Variants in CRYBG1 observed in about 807,000 individuals in gnomAD.
CRYBG1 encodes crystallin beta-gamma domain containing 1.
In CRYBG1, 139 loss-of-function variants were observed where a neutral mutation model predicts 189.2. The observed-to-expected ratio is 0.73, with a 90% CI of 0.64 to 0.85. The LOEUF is 0.85. CRYBG1 is among the 40% of genes least tolerant of loss of function. The pLI is 0.00. For synonymous variants in CRYBG1, 1,023 were observed against 1,017.1 expected, an observed-to-expected ratio of 1.01 and a Z score of -0.11; for missense variants, 2,611 against 2,675.8, an observed-to-expected ratio of 0.98 and a Z score of 0.53.
rs746739473 is a variant in CRYBG1 at position 106,431,640 on chromosome 6, G to A, written c.174-20054G>A. 3.3e-5 allele frequency among the ~76,000 whole-genome samples: 5 copies of A among 152,156 alleles called. No homozygotes were observed. In the South Asian group the frequency reaches 6.2e-4, roughly 19 times the overall value. On this transcript the variant is annotated intron_variant, in intron 1 of 21. Coordinates refer to ENST00000633556, the MANE Select transcript of CRYBG1 (RefSeq NM_001371242.2). ...TAATTATTCTACCCGTAGGTGGACA[G>A]ACTACACTATGAGGGGAGAAAAATA...
intron 2 of CRYBG1, among the ~76,000 whole-genome samples, chr6:106,478,862 T>C (rs955071555): frequency 6.6e-6 from 1 of 152,210 alleles, no homozygotes; most frequent in Non-Finnish European, 1.5e-5. Flanking sequence ...GGGATCTAGA[T>C]TGCATGCTCC....
chr6:106,369,873 G>A (rs1769982613), intron 1 of CRYBG1, among the ~76,000 whole-genome samples: 1 of 152,126 alleles, frequency 6.6e-6, no homozygotes, highest in East Asian at 1.9e-4. Context: ...GGCACAGAGG[G>A]GTATGATTAT....
intron 15 of CRYBG1, among the ~76,000 whole-genome samples, chr6:106,553,157 C>T (rs139878707): frequency 3.0e-4 from 45 of 152,268 alleles, no homozygotes; most frequent in African/African-American, 1.0e-3. Context: ...GATTTCTGAC[C>T]ACAATAAAGC....
chr6:106,468,840 C>T (rs920787077), intron 2 of CRYBG1, among the ~76,000 whole-genome samples: 2 of 152,186 alleles, frequency 1.3e-5, no homozygotes, highest in African/African-American at 4.8e-5. Context: ...AAAGACAAAA[C>T]ACGACATTGT....
At chr6:106,525,422 T>C in intron 6 of CRYBG1, 36 bp downstream of exon 6, 1 of 1,538,376 alleles carries the variant, frequency 6.5e-7, no homozygotes, top group Non-Finnish European at 9.0e-7. Context: ...ATGTCAAGTG[T>C]TTGAGTTTTA....
chr6:106,531,701 A>AT (rs1181779464), intron 8 of CRYBG1, among the ~76,000 whole-genome samples: 1 of 152,188 alleles, frequency 6.6e-6, no homozygotes, highest in African/African-American at 2.4e-5. Context: ...CCTAGAAAAA[A>AT]GTTCACAGAA....
chr6:106,417,337 AG>A (rs1421684345), intron 1 of CRYBG1, among the ~76,000 whole-genome samples: 1 of 152,182 alleles, frequency 6.6e-6, no homozygotes, highest in Non-Finnish European at 1.5e-5. Flanking sequence ...GTAACGCTCA[AG>A]GTTGTGCAAA....
At chr6:106,388,803 G>T (rs534249064) in intron 1 of CRYBG1, among the ~76,000 whole-genome samples, 1 of 152,134 alleles carries the variant, frequency 6.6e-6, no homozygotes, top group Non-Finnish European at 1.5e-5. Flanking sequence ...TTTGGTTATC[G>T]CCATCTTGTA....
At chr6:106,429,946 T>C (rs543125568) in intron 1 of CRYBG1, among the ~76,000 whole-genome samples, 35 of 152,348 alleles carry the variant, frequency 2.3e-4, no homozygotes, top group African/African-American at 7.9e-4. Flanking sequence ...CCTACTGCCC[T>C]GTTCATTTAA....
Position 106,556,012 on chromosome 6 carries a change from A to G in CRYBG1, c.5715+115A>G, listed in dbSNP as rs796917416. The G allele has an allele frequency of 7.6e-6, 9 of 1,185,410 alleles. No individual in the cohort carries two copies. In the African/African-American group the frequency reaches 1.4e-4, roughly 18 times the overall value. The allele number at this position is 1,185,410 out of a possible 1,614,324, so 73.4% of individuals were successfully genotyped here. ...CTTAAAGTTAGTTAAGGGCTTGGAG[A>G]TGGAACTGTCCATTTGGCTCTGTGT... On this transcript the variant is annotated intron_variant, in intron 17 of 21. Transcript: ENST00000633556.
intron 2 of CRYBG1, among the ~76,000 whole-genome samples, chr6:106,459,178 T>G (rs951537476): frequency 4.6e-5 from 7 of 152,206 alleles, no homozygotes; most frequent in African/African-American, 1.7e-4. Flanking sequence ...GTGAGTGATG[T>G]GTTTTGCTTT....
At chr6:106,417,335 C>T (rs1771040450) in intron 1 of CRYBG1, among the ~76,000 whole-genome samples, 1 of 152,078 alleles carries the variant, frequency 6.6e-6, no homozygotes, top group South Asian at 2.1e-4. Context: ...ATGTAACGCT[C>T]AAGGTTGTGC....
At chr6:106,543,297 T>C (rs1774177838) in intron 10 of CRYBG1, 143 bp from the exon 11 acceptor site, 2 of 723,102 alleles carry the variant, frequency 2.8e-6, no homozygotes, top group South Asian at 3.6e-5. Context: ...CGCAAAGTGC[T>C]GGGATAACAG....
At chr6:106,464,622 G>C (rs1427561712) in intron 2 of CRYBG1, among the ~76,000 whole-genome samples, 5 of 152,076 alleles carry the variant, frequency 3.3e-5, no homozygotes, top group African/African-American at 1.2e-4. Context: ...CTTAGAAAAT[G>C]AGAGAATTAG....
intron 3 of CRYBG1, 53 bp downstream of exon 3, chr6:106,513,092 G>A: frequency 6.4e-7 from 1 of 1,553,488 alleles, no homozygotes. Context: ...CGTGCTGGGG[G>A]TCCGCTCTGA....
At chr6:106,384,879 G>GT (rs1395055096) in intron 1 of CRYBG1, among the ~76,000 whole-genome samples, 1 of 104,954 alleles carries the variant, frequency 9.5e-6, no homozygotes, top group Non-Finnish European at 2.2e-5. Context: ...GGTGTCTTTT[G>GT]TGTTTGGGGT....
At chr6:106,405,271 G>T (rs923004203) in intron 1 of CRYBG1, among the ~76,000 whole-genome samples, 2 of 152,304 alleles carry the variant, frequency 1.3e-5, no homozygotes, top group African/African-American at 4.8e-5. Context: ...CTGCTGGGAA[G>T]TTCAAACTAG....
At chr6:106,392,674 A>G (rs1321582815) in intron 1 of CRYBG1, among the ~76,000 whole-genome samples, 2 of 152,240 alleles carry the variant, frequency 1.3e-5, no homozygotes, top group Non-Finnish European at 2.9e-5. Flanking sequence ...AAGTAAAGGG[A>G]TTATGACAAT....
chr6:106,515,083 G>A (rs149539423), intron 3 of CRYBG1, among the ~76,000 whole-genome samples: 65 of 152,314 alleles, frequency 4.3e-4, no homozygotes, highest in African/African-American at 1.5e-3. Flanking sequence ...CCTGAAAAAT[G>A]ACACTGAAGT....
Sources: allele counts gnomAD v4.1 joint callset (sites outside exome capture counted in the v4.1 genomes callset), GRCh38; gene constraint gnomAD v4.1.1; transcripts MANE v1.5; gene names NCBI Gene and HGNC (gene_info 2026-07-23, HGNC 2026-07-21).